GPR155: variants seen among roughly 807,000 people sequenced by gnomAD.
GPR155 encodes G protein-coupled receptor 155, also known as lysosomal cholesterol signaling protein.
In GPR155, 65 loss-of-function variants were observed where a neutral mutation model predicts 93.1. The observed-to-expected ratio is 0.70, with a 90% CI of 0.57 to 0.86. The LOEUF is 0.86. Ranked by LOEUF, GPR155 falls within the 40% of genes least tolerant of loss-of-function variation. The pLI, the probability that GPR155 is intolerant of heterozygous loss-of-function variation, is 0.00. For missense variants in GPR155, 838 were observed against 1,034.8 expected (o/e 0.81, Z 2.61); for synonymous variants, 319 against 360.1 (o/e 0.89, Z 1.29).
intron 2 of GPR155, among the ~76,000 whole-genome samples, chr2:174,477,094 A>C (rs1411404018): frequency 1.3e-5 from 2 of 152,234 alleles, no homozygotes; most frequent in Non-Finnish European, 2.9e-5. Context: ...GTATTTTCTA[A>C]TACGCAGCTC....
At chr2:174,463,392 G>A (rs28691055) in intron 7 of GPR155, among the ~76,000 whole-genome samples, 1,838 of 151,912 alleles carry the variant, frequency 0.012, 36 homozygotes, top group African/African-American at 0.042. Flanking sequence ...ATAGAGAGAG[G>A]GTCTTACTAT....
rs1311249638 is a variant in GPR155 at position 174,473,075 on chromosome 2, A to G, written c.750T>C (p.Asn250=). Residue 250 remains asparagine (N), a synonymous_variant, in exon 3 of 16, where the codon AAT becomes AAC. Coordinates refer to ENST00000392552, the MANE Select transcript of GPR155 (RefSeq NM_152529.7). ...AAAATAGGGCTGATCCAGAAAAAGA[A>G]TTTCCAAGTCCATCAAGAAAATTTT... The part of the protein sequence containing the change: ...YVENFLDGLG[N]SFSGSALFYL... The G allele has an allele frequency of 6.2e-7, 1 of 1,600,494 alleles. No homozygotes were observed. Among genetic ancestry groups the G allele is most frequent in the Non-Finnish European group, 8.5e-7 (1 of 1,177,034 alleles).
chr2:174,462,425 C>T (rs1464431306), intron 7 of GPR155, among the ~76,000 whole-genome samples: 2 of 152,210 alleles, frequency 1.3e-5, no homozygotes, highest in African/African-American at 4.8e-5. Flanking sequence ...ATTTTCATGC[C>T]TTAGCCAAAC....
At chr2:174,459,670 C>T (rs924338970) in intron 10 of GPR155, among the ~76,000 whole-genome samples, 3 of 152,126 alleles carry the variant, frequency 2.0e-5, no homozygotes, top group African/African-American at 7.2e-5. Flanking sequence ...CATGGCGAAA[C>T]CCCATCTCTA....
intron 14 of GPR155, among the ~76,000 whole-genome samples, chr2:174,440,979 C>T (rs1686942264): frequency 6.6e-6 from 1 of 152,104 alleles, no homozygotes; most frequent in Non-Finnish European, 1.5e-5. Flanking sequence ...GGGCACACCA[C>T]CTACTACTTC....
intron 10 of GPR155, among the ~76,000 whole-genome samples, chr2:174,455,040 T>G (rs1027125455): frequency 1.3e-5 from 2 of 152,146 alleles, no homozygotes; most frequent in Non-Finnish European, 2.9e-5. Context: ...ACTGTACATC[T>G]CAAAATAGAA....
At chr2:174,470,296 A>T in intron 4 of GPR155, 94 bp downstream of exon 4, 3 of 1,067,748 alleles carry the variant, frequency 2.8e-6, no homozygotes, top group Non-Finnish European at 2.7e-6. Context: ...CTATTTTTTC[A>T]TTTTTAAAAA....
chr2:174,470,747 A>G (rs1687972170), intron 3 of GPR155, among the ~76,000 whole-genome samples, 192 bp from the exon 4 acceptor site: 1 of 152,196 alleles, frequency 6.6e-6, no homozygotes, highest in African/African-American at 2.4e-5. Context: ...GGAGCCATTT[A>G]AAGTGTAACA....
chr2:174,479,111 A>C (rs1331578984), intron 2 of GPR155, among the ~76,000 whole-genome samples: 1 of 152,190 alleles, frequency 6.6e-6, no homozygotes, highest in Non-Finnish European at 1.5e-5. Context: ...TCAACAAACA[A>C]CCATCAGGGA....
At chr2:174,461,362 G>T in intron 9 of GPR155, 40 bp downstream of exon 9, 1 of 1,234,202 alleles carries the variant, frequency 8.1e-7, no homozygotes, top group Non-Finnish European at 1.2e-6. Flanking sequence ...GCTAAAAAGA[G>T]ACATTCTCAA....
chr2:174,472,508 G>A (rs1475463364), intron 3 of GPR155, among the ~76,000 whole-genome samples: 2 of 152,160 alleles, frequency 1.3e-5, no homozygotes, highest in East Asian at 3.8e-4. Flanking sequence ...TATTGACTTG[G>A]CTGTATTTAG....
rs763208631 is a variant in GPR155, at chr2:174,481,601, A to G, written c.356T>C (p.Val119Ala). Residue 119 changes from valine to alanine, a missense_variant, in exon 2 of 16, where the codon GTA becomes GCA. Transcript: ENST00000392552. ...AKASVFFIVC[V>A]LTLLVASPDS... ...AGGACTGGCAACCAATAAGGTTAAT[A>G]CACATACAATGAAAAATACAGAAGC... is the stretch of plus-strand genomic sequence containing the variant. 5 of 1,613,570 alleles carry G rather than the reference A, an allele frequency of 3.1e-6. No individual in the cohort carries two copies. The East Asian group carries it at 6.7e-5, about 22-fold the overall frequency.
At chr2:174,445,249 C>T (rs1687085632) in intron 12 of GPR155, 73 bp from the exon 13 acceptor site, 2 of 727,892 alleles carry the variant, frequency 2.7e-6, no homozygotes, top group Admixed American at 4.5e-5. Context: ...CAGCATAGTA[C>T]AATAACTTAC....
chr2:174,476,656 A>C (rs1032255863), intron 2 of GPR155, among the ~76,000 whole-genome samples: 1 of 152,116 alleles, frequency 6.6e-6, no homozygotes, highest in African/African-American at 2.4e-5. Flanking sequence ...TCCACAGTCC[A>C]GTCTCCACAA....
rs1465057114 is a variant in GPR155, at chr2:174,445,212, A to G, written c.2014-36T>C. 15 of 1,057,930 alleles carry G rather than the reference A, an allele frequency of 1.4e-5. No individual in the cohort carries two copies. The East Asian group carries it at 2.8e-4, about 20-fold the overall frequency. The allele number at this position is 1,057,930 out of a possible 1,614,324, so 65.5% of individuals were successfully genotyped here. A position where few individuals can be genotyped will look rare whatever the true frequency, so the allele number is the denominator to read the frequency against. On this transcript the variant is annotated intron_variant, in intron 12 of 15. Coordinates refer to ENST00000392552, the MANE Select transcript of GPR155 (RefSeq NM_152529.7). ...AGGAGAAAAGAGTATTTTAAAATCA[A>G]GCAAGCTGATAATTCCTCTCCATCC...
chr2:174,462,867 G>A (rs574745583), intron 7 of GPR155, among the ~76,000 whole-genome samples: 1 of 152,222 alleles, frequency 6.6e-6, no homozygotes, highest in African/African-American at 2.4e-5. Flanking sequence ...CATAGTTATA[G>A]GATCTTAGAA....
At chr2:174,469,913 G>A (rs1432542880) in intron 4 of GPR155, among the ~76,000 whole-genome samples, 1 of 152,200 alleles carries the variant, frequency 6.6e-6, no homozygotes, top group East Asian at 1.9e-4. Context: ...CCAGGCTGGA[G>A]TACAGTGGTG....
chr2:174,472,822 C>T (rs1332274043), intron 3 of GPR155, 143 bp downstream of exon 3: 4 of 621,462 alleles, frequency 6.4e-6, no homozygotes, highest in Non-Finnish European at 8.2e-6. Flanking sequence ...TACACCATCA[C>T]ATTTTCCTTT....
At chr2:174,480,257 A>G (rs1005938851) in intron 2 of GPR155, among the ~76,000 whole-genome samples, 2 of 152,112 alleles carry the variant, frequency 1.3e-5, no homozygotes, top group Non-Finnish European at 2.9e-5. Context: ...CTTTATTTTT[A>G]TGGCCCTTGT....
Sources: gnomAD v4.1 joint callset for allele counts (sites outside exome capture counted in the v4.1 genomes callset) on GRCh38, gnomAD v4.1.1 for gene constraint, MANE v1.5 for transcripts, NCBI Gene and HGNC (gene_info 2026-07-23, HGNC 2026-07-21) for gene names.